AKAP9: variants seen among roughly 807,000 people sequenced by gnomAD.
The protein encoded by AKAP9 is A-kinase anchor protein 9.
A neutral mutation model predicts 488.5 loss-of-function variants in AKAP9; 311 were observed. The observed-to-expected ratio is 0.64, with a 90% CI of 0.58 to 0.70. The LOEUF (loss-of-function observed/expected upper bound fraction) is 0.70, where lower values mean the gene tolerates loss of function less well. Among genes scored for constraint, AKAP9 ranks in the 30% least tolerant of loss-of-function variants. AKAP9 has a pLI of 0.00. For missense variants in AKAP9, 4,215 were observed against 4,374.5 expected, an observed-to-expected ratio of 0.96 and a Z score of 1.03; for synonymous variants, 1,462 against 1,483.5, an observed-to-expected ratio of 0.99 and a Z score of 0.33.
At chr7:92,028,088 A>G (rs1197912302) in intron 14 of AKAP9, among the ~76,000 whole-genome samples, 1 of 152,076 alleles carries the variant, frequency 6.6e-6, no homozygotes, top group Non-Finnish European at 1.5e-5. Flanking sequence ...AGATGCTTGA[A>G]GACAGCATGC....
intron 8 of AKAP9, among the ~76,000 whole-genome samples, chr7:92,009,461 T>G (rs906339691): frequency 5.9e-5 from 9 of 152,158 alleles, no homozygotes; most frequent in Admixed American, 3.3e-4. Context: ...ATTAAAGAAT[T>G]TGAAATCATA....
intron 5 of AKAP9, 114 bp downstream of exon 5, chr7:91,993,169 C>T (rs1274302200): frequency 1.3e-5 from 14 of 1,065,998 alleles, no homozygotes; most frequent in Non-Finnish European, 1.9e-5. Flanking sequence ...TAACTTTTTT[C>T]TTTTCTTTTC....
chr7:92,105,748 T>C lies in AKAP9; in HGVS notation c.11401T>C (p.Phe3801Leu). The change falls in exon 47 of 50, where the codon TTT (phenylalanine) becomes CTT (leucine). Residue 3801 changes from phenylalanine (F) to leucine (L), a missense_variant. By Grantham distance (22) the Phe-to-Leu change is conservative. Transcript: ENST00000356239. The part of the protein sequence containing the change: ...SVSININRDG[F>L]GLNQGAEKTD... The stretch of plus-strand genomic sequence containing the variant: ...TTCCATCAATATTAACAGAGATGGC[T>C]TTGGACTGAATCAAGGTGAAGTCAA... 1 of 1,614,022 alleles carries C rather than the reference T, an allele frequency of 6.2e-7. No individual in the cohort carries two copies. Among genetic ancestry groups the C allele is most frequent in the Non-Finnish European group, 8.5e-7 (1 of 1,179,856 alleles).
At position 92,079,424 on chromosome 7, in the gene AKAP9, T is replaced by C. The variant is rs1305633544; in HGVS notation, c.7291T>C (p.Phe2431Leu). 6.2e-7 allele frequency: 1 copy of C among 1,614,114 alleles called. No homozygotes were observed. The change falls in exon 31 of 50, where the codon TTC becomes CTC. Residue 2431 changes from phenylalanine (F) to leucine (L), a missense_variant. Around this residue, in one of 5 missense-constraint regions of AKAP9, gnomAD observed 1,476 missense variants for 1,477.4 expected, o/e 1.00. Transcript: ENST00000356239. ...AATGAATCAGCTAACACAGGAATTATTCAGCTTAAAGAGAGAACGTGAAAG... is the reference window on the plus strand; with the variant it reads ...AATGAATCAGCTAACACAGGAATTACTCAGCTTAAAGAGAGAACGTGAAAG... ...FKMNQLTQEL[F>L]SLKRERESVE... is the part of the protein sequence containing the mutation.
chr7:92,014,949 A>C (rs913406307), intron 10 of AKAP9, among the ~76,000 whole-genome samples: 1 of 152,118 alleles, frequency 6.6e-6, no homozygotes, highest in Non-Finnish European at 1.5e-5. Flanking sequence ...CCAAAACACT[A>C]AGATGGCACC....
chr7:92,082,639 GA>G lies in AKAP9; in HGVS notation c.8142del (p.Lys2714AsnfsTer8). On this transcript the variant is annotated frameshift_variant, in exon 32 of 50. Coordinates refer to ENST00000356239, the MANE Select transcript of AKAP9 (RefSeq NM_005751.5). LOFTEE classifies it high-confidence loss of function. ...ACTTGCCAGTTATAAAGAAAAGGCT[GA>G]AAAACTTCAAGAAGAGCTTTTGGTA... ...AELASYKEKAEKLQEELLVKE... is the reference protein window; with the variant it reads ...AELASYKEKAXKLQEELLVKE... 6.2e-7 allele frequency: 1 copy of G among 1,613,966 alleles called. No homozygotes were observed. The highest frequency in any genetic ancestry group is 8.5e-7 in the Non-Finnish European group (1 of 1,179,916).
chr7:91,942,356 C>T (rs1382042510), intron 1 of AKAP9, among the ~76,000 whole-genome samples: 1 of 152,140 alleles, frequency 6.6e-6, no homozygotes, highest in Non-Finnish European at 1.5e-5. Context: ...AGTTGACTTT[C>T]CTATAAGCTC....
chr7:92,082,389 C>G, intron 31 of AKAP9, 133 bp from the exon 32 acceptor site: 1 of 866,232 alleles, frequency 1.2e-6, no homozygotes, highest in Non-Finnish European at 1.8e-6. Context: ...TTGGAAAGAG[C>G]ATTGATTTGT....
intron 43 of AKAP9, 31 bp downstream of exon 43, chr7:92,098,245 A>T (rs753839024): frequency 1.5e-6 from 2 of 1,326,406 alleles, no homozygotes; most frequent in Non-Finnish European, 2.2e-6. Context: ...TTTCTGAAGC[A>T]TTGAGAGCAA....
intron 46 of AKAP9, among the ~76,000 whole-genome samples, chr7:92,103,484 A>C (rs1817965344): frequency 6.6e-6 from 1 of 150,438 alleles, no homozygotes; most frequent in South Asian, 2.1e-4. Flanking sequence ...TCGTGAGGTC[A>C]GGAGATTGAG....
chr7:92,004,176 T>C (rs1799513752), intron 8 of AKAP9, among the ~76,000 whole-genome samples: 1 of 152,228 alleles, frequency 6.6e-6, no homozygotes, highest in Non-Finnish European at 1.5e-5. Flanking sequence ...TCTGTTTTGG[T>C]ACCAGTACCA....
chr7:92,077,093 T>TTA, intron 29 of AKAP9, 86 bp downstream of exon 29: 1 of 338,404 alleles, frequency 3.0e-6, no homozygotes, highest in Non-Finnish European at 4.0e-6. Flanking sequence ...TTATTATTTC[T>TTA]TTCTTTTTTT....
chr7:92,012,406 T>C, intron 8 of AKAP9, 23 bp from the exon 9 acceptor site: 1 of 1,572,582 alleles, frequency 6.4e-7, no homozygotes, highest in South Asian at 1.1e-5. Flanking sequence ...AATATTATAA[T>C]GTTTACATAT....
At chr7:92,083,987 C>A (rs1309453758) in intron 33 of AKAP9, among the ~76,000 whole-genome samples, 1 of 152,140 alleles carries the variant, frequency 6.6e-6, no homozygotes, top group Non-Finnish European at 1.5e-5. Flanking sequence ...AGCACCTCAC[C>A]CCCGACAGGC....
At chr7:92,089,687 G>A in intron 38 of AKAP9, 158 bp downstream of exon 38, 1 of 833,920 alleles carries the variant, frequency 1.2e-6, no homozygotes, top group Non-Finnish European at 1.9e-6. Context: ...ATTACTCTAG[G>A]GGTTAGAGGA....
At position 92,002,230 on chromosome 7, in the gene AKAP9, A is replaced by C. The variant is rs771239534; in HGVS notation, c.2313A>C (p.Ala771=). The C allele has an allele frequency of 3.1e-6, 5 of 1,591,250 alleles. No homozygotes were observed. The South Asian group carries it at 3.5e-5, about 11-fold the overall frequency. ...EKENDLQEKF[A]QLEAENSILK... is the part of the protein sequence containing the mutation. ...AGAATGATCTTCAAGAAAAATTTGC[A>C]CAACTTGAAGCAGAGAATAGCATTC... The change falls in exon 8 of 50, where the codon GCA becomes GCC. Residue 771 remains alanine, a synonymous_variant. Coordinates refer to ENST00000356239, the MANE Select transcript of AKAP9 (RefSeq NM_005751.5).
At chr7:91,984,638 T>G (rs779415054) in intron 3 of AKAP9, among the ~76,000 whole-genome samples, 13 of 152,172 alleles carry the variant, frequency 8.5e-5, no homozygotes. Context: ...CATATGAACT[T>G]TAAAGTCGTT....
At chr7:92,043,349 CA>C in intron 20 of AKAP9, 2 of 983,728 alleles carry the variant, frequency 2.0e-6, no homozygotes, top group Non-Finnish European at 2.4e-6. Context: ...GGAACGCAGT[CA>C]GTATGGAACT....
chr7:92,071,387 G>GT (rs1811706245), intron 28 of AKAP9, among the ~76,000 whole-genome samples: 1 of 144,290 alleles, frequency 6.9e-6, no homozygotes, highest in East Asian at 2.3e-4. Context: ...TTTGCTGTGT[G>GT]GTTTTTTTTT....
Sources: gnomAD v4.1 joint callset for allele counts (sites outside exome capture counted in the v4.1 genomes callset) on GRCh38, gnomAD v4.1.1 for gene constraint, gnomAD v4.1.1 regional missense constraint, MANE v1.5 for transcripts, NCBI Gene and HGNC (gene_info 2026-07-23, HGNC 2026-07-21) for gene names.